Variants in WNT7A observed in about 807,000 individuals in gnomAD.
WNT7A encodes protein Wnt-7a.
WNT7A carries 16 observed loss-of-function variants against 28.2 expected under a neutral mutation model. The ratio of observed to expected loss-of-function variants is 0.57; its 90% CI spans 0.38 to 0.86. WNT7A has a LOEUF of 0.86. WNT7A is among the 40% of genes least tolerant of loss of function. WNT7A has a pLI of 0.00. For missense variants in WNT7A, 411 were observed against 489.7 expected (o/e 0.84, Z 1.52); for synonymous variants, 190 against 195.9 (o/e 0.97, Z 0.25).
intron 3 of WNT7A, among the ~76,000 whole-genome samples, chr3:13,843,763 C>CGG (rs1694498088): frequency 6.7e-6 from 1 of 149,354 alleles, no homozygotes; most frequent in Non-Finnish European, 1.5e-5. Flanking sequence ...TTTTTTTCCC[C>CGG]TGAGATGGAG....
rs1246258357 is a variant in WNT7A, at chr3:13,819,181, G to C, written c.813C>G (p.Ile271Met). The C allele has an allele frequency of 2.5e-6, 4 of 1,614,238 alleles. No homozygotes were observed. Among genetic ancestry groups the C allele is most frequent in the Admixed American group, 3.3e-5 (2 of 60,030 alleles). The part of the protein sequence containing the change: ...RKPMDTDLVY[I>M]EKSPNYCEED... ...CCTCGCAGTAGTTGGGCGACTTCTCGATGTACACCAGGTCCGTGTCCATGG... is the reference window on the plus strand; with the variant it reads ...CCTCGCAGTAGTTGGGCGACTTCTCCATGTACACCAGGTCCGTGTCCATGG... Residue 271 changes from isoleucine (I) to methionine (M), a missense_variant, in exon 4 of 4, where the codon ATC becomes ATG. Ile to Met is a conservative substitution (Grantham distance 10). Transcript: ENST00000285018.
In WNT7A at chr3:13,817,935, C is replaced by T. The variant is rs114594814; in HGVS notation, c.*1009G>A. On this transcript the variant is annotated 3_prime_UTR_variant, in exon 4 of 4. Transcript: ENST00000285018. ...AACATGGATGAGATGATGCCTCAACCCCAGGCATCCAGGGGCAGCTTGTGC... is the reference window on the plus strand; with the variant it reads ...AACATGGATGAGATGATGCCTCAACTCCAGGCATCCAGGGGCAGCTTGTGC... 275 of 152,272 alleles carry T rather than the reference C, an allele frequency of 1.8e-3. 1 individual carries two copies. The highest frequency in any genetic ancestry group is 6.4e-3 in the African/African-American group (265 of 41,540). The allele number at this position is 152,272 out of a possible 1,614,324, so 9.4% of individuals were successfully genotyped here. A position where few individuals can be genotyped will look rare whatever the true frequency, so the allele number is the denominator to read the frequency against.
intron 3 of WNT7A, among the ~76,000 whole-genome samples, chr3:13,830,863 C>T (rs1455668787): frequency 6.6e-6 from 1 of 152,188 alleles, no homozygotes; most frequent in Non-Finnish European, 1.5e-5. Context: ...TCTGTCACCC[C>T]TGACTACGCC....
chr3:13,879,048 A>G (rs902428617), intron 1 of WNT7A, among the ~76,000 whole-genome samples: 1 of 151,962 alleles, frequency 6.6e-6, no homozygotes, highest in Admixed American at 6.5e-5. Context: ...GCCTCTCTCT[A>G]GCGCTTGTCT....
chr3:13,823,249 A>C (rs1013299288), intron 3 of WNT7A, among the ~76,000 whole-genome samples: 1 of 151,550 alleles, frequency 6.6e-6, no homozygotes, highest in Non-Finnish European at 1.5e-5. Context: ...TTATGAGCTC[A>C]CCTCCCCACT....
At chr3:13,847,381 G>T (rs1694554986) in intron 3 of WNT7A, among the ~76,000 whole-genome samples, 1 of 152,216 alleles carries the variant, frequency 6.6e-6, no homozygotes, top group Non-Finnish European at 1.5e-5. Context: ...TCTGAGCCAG[G>T]AGCCAGGCCC....
At chr3:13,821,169 T>C (rs944406858) in intron 3 of WNT7A, among the ~76,000 whole-genome samples, 75 of 152,142 alleles carry the variant, frequency 4.9e-4, no homozygotes, top group African/African-American at 1.8e-3. Context: ...GATGACACAA[T>C]TGGGGGCAGA....
intron 3 of WNT7A, among the ~76,000 whole-genome samples, chr3:13,835,460 GA>G (rs1168292252): frequency 6.6e-5 from 10 of 152,260 alleles, no homozygotes; most frequent in African/African-American, 2.2e-4. Flanking sequence ...TGCATCTGAT[GA>G]GGGCTGAGCC....
At chr3:13,862,831 T>C (rs1433703189) in intron 2 of WNT7A, among the ~76,000 whole-genome samples, 4 of 152,238 alleles carry the variant, frequency 2.6e-5, no homozygotes, top group African/African-American at 7.2e-5. Flanking sequence ...CAGCATCTAC[T>C]CCTTCCTGGC....
chr3:13,824,345 A>T (rs1330363906), intron 3 of WNT7A, among the ~76,000 whole-genome samples: 1 of 152,184 alleles, frequency 6.6e-6, no homozygotes, highest in Non-Finnish European at 1.5e-5. Context: ...AAATGGAATC[A>T]CATAGTATGT....
At chr3:13,843,589 G>A (rs1330275033) in intron 3 of WNT7A, among the ~76,000 whole-genome samples, 1 of 151,910 alleles carries the variant, frequency 6.6e-6, no homozygotes, top group Non-Finnish European at 1.5e-5. Context: ...GGGGGACTGA[G>A]CAGTACCCAA....
In WNT7A at chr3:13,826,913, T is replaced by A. The variant is rs552897948; in HGVS notation, c.571-7490A>T. Among the ~76,000 whole-genome samples the A allele has an allele frequency of 8.5e-4, 129 of 152,320 alleles. No individual in the cohort carries two copies. The Middle Eastern group carries it at 0.01, about 12-fold the overall frequency. ...CCCACAATAAAGAAGGGGATGGTCTTCCTATACAGTTTTCAGAACTGGACT... is the reference window on the plus strand; with the variant it reads ...CCCACAATAAAGAAGGGGATGGTCTACCTATACAGTTTTCAGAACTGGACT... On this transcript the variant is annotated intron_variant, in intron 3 of 3. Transcript: ENST00000285018.
chr3:13,871,746 C>A (rs147861378), intron 2 of WNT7A, among the ~76,000 whole-genome samples: 7 of 152,298 alleles, frequency 4.6e-5, no homozygotes, highest in South Asian at 2.1e-4. Flanking sequence ...ACTCCAGACC[C>A]CCACTGCCAC....
At chr3:13,878,705 C>T (rs1047905602) in intron 1 of WNT7A, among the ~76,000 whole-genome samples, 7 of 152,296 alleles carry the variant, frequency 4.6e-5, no homozygotes, top group Middle Eastern at 6.8e-3. Context: ...GCGGTCCACC[C>T]CTCCTCAAAA....
chr3:13,868,831 AG>A (rs1694974541), intron 2 of WNT7A, among the ~76,000 whole-genome samples: 1 of 73,752 alleles, frequency 1.4e-5, no homozygotes, highest in Non-Finnish European at 3.2e-5. Flanking sequence ...AGAGAAAGAG[AG>A]AAAGAGAGAG....
chr3:13,834,258 G>A (rs1575062352), intron 3 of WNT7A, among the ~76,000 whole-genome samples: 1 of 152,258 alleles, frequency 6.6e-6, no homozygotes, highest in East Asian at 1.9e-4. Context: ...GAGATACACA[G>A]TCATGTGTGG....
intron 3 of WNT7A, among the ~76,000 whole-genome samples, chr3:13,832,760 G>A (rs996706040): frequency 1.3e-5 from 2 of 152,122 alleles, no homozygotes; most frequent in Non-Finnish European, 2.9e-5. Context: ...ACATGGAGGG[G>A]ATGGCAGGGA....
At chr3:13,855,304 G>A (rs540010843) in intron 2 of WNT7A, among the ~76,000 whole-genome samples, 1 of 152,340 alleles carries the variant, frequency 6.6e-6, no homozygotes, top group South Asian at 2.1e-4. Context: ...ACTCCTCCCT[G>A]CATCTCAGTC....
At chr3:13,856,972 A>AAGGAGAAGG (rs1559303401) in intron 2 of WNT7A, among the ~76,000 whole-genome samples, 4 of 120,692 alleles carry the variant, frequency 3.3e-5, no homozygotes, top group African/African-American at 1.2e-4. Context: ...GAAGAAGGAG[A>AAGGAGAAGG]AGAAGAAGAA....
Sources: gnomAD v4.1 joint callset for allele counts (sites outside exome capture counted in the v4.1 genomes callset) on GRCh38, gnomAD v4.1.1 for gene constraint, MANE v1.5 for transcripts, NCBI Gene and HGNC (gene_info 2026-07-23, HGNC 2026-07-21) for gene names.